Variants in ZNG1A observed in about 807,000 individuals in gnomAD.
ZNG1A encodes zinc-regulated GTPase metalloprotein activator 1A.
chr9:171,316 C>G, the ZNG1A span, among the ~76,000 whole-genome samples: 2 of 151,776 alleles, frequency 1.3e-5, no homozygotes, highest in African/African-American at 4.9e-5. Flanking sequence ...ACAAATCGCC[C>G]CAATGCCAGA....
chr9:131,454 A>C, the ZNG1A span, among the ~76,000 whole-genome samples: 6 of 149,968 alleles, frequency 4.0e-5, no homozygotes, highest in South Asian at 2.1e-4. Flanking sequence ...CAGAACACTA[A>C]GCCCCCTAAT....
chr9:142,123 G>C, the ZNG1A span, among the ~76,000 whole-genome samples: 22,855 of 143,444 alleles, frequency 0.16, 2,208 homozygotes, highest in East Asian at 0.39. Context: ...GTCAACATTA[G>C]ACAGATCAAT....
chr9:128,440 A>G, the ZNG1A span, among the ~76,000 whole-genome samples: 2 of 151,638 alleles, frequency 1.3e-5, no homozygotes, highest in East Asian at 3.9e-4. Context: ...TCAGGCTCTG[A>G]ATTTCCTTCT....
the ZNG1A span, chr9:166,975 T>C: frequency 6.6e-6 from 1 of 152,208 alleles, no homozygotes; most frequent in East Asian, 1.9e-4. Context: ...AAGGAAAATG[T>C]TCTTAGAAGA....
At chr9:144,572 T>G in the ZNG1A span, among the ~76,000 whole-genome samples, 1 of 151,390 alleles carries the variant, frequency 6.6e-6, no homozygotes, top group East Asian at 1.9e-4. Flanking sequence ...CTTAAACGTT[T>G]GACCTAAAAC....
the ZNG1A span, among the ~76,000 whole-genome samples, chr9:162,863 C>T: frequency 2.0e-5 from 3 of 150,896 alleles, no homozygotes; most frequent in Non-Finnish European, 4.4e-5. Context: ...TAATCAAAAT[C>T]AAGACTTTTC....
chr9:154,653 T>C, the ZNG1A span: 3 of 1,287,190 alleles, frequency 2.3e-6, no homozygotes, highest in South Asian at 1.2e-5. Flanking sequence ...GAGTAAAAAA[T>C]ATTCTGTGTA....
At chr9:132,350 A>AC in the ZNG1A span, among the ~76,000 whole-genome samples, 2 of 72,212 alleles carry the variant, frequency 2.8e-5, no homozygotes, top group Admixed American at 3.0e-4. Flanking sequence ...CCCCATCTCT[A>AC]CTAAAAAAAA....
At chr9:147,026 A>T in the ZNG1A span, 2 of 151,020 alleles carry the variant, frequency 1.3e-5, no homozygotes, top group Non-Finnish European at 2.9e-5. Context: ...AAAAATACAA[A>T]AATTAGCTGG....
the ZNG1A span, chr9:147,529 C>T: frequency 8.4e-5 from 11 of 131,038 alleles, no homozygotes; most frequent in Non-Finnish European, 1.5e-4. Flanking sequence ...GACAAATTCC[C>T]ATCTTATTAC....
the ZNG1A span, chr9:166,857 A>G: frequency 6.6e-6 from 1 of 152,280 alleles, no homozygotes; most frequent in Non-Finnish European, 1.5e-5. Flanking sequence ...AATCAAAGCA[A>G]TTAGAATACA....
the ZNG1A span, among the ~76,000 whole-genome samples, chr9:140,314 C>A: frequency 6.6e-6 from 1 of 151,834 alleles, no homozygotes; most frequent in Non-Finnish European, 1.5e-5. Context: ...AGCTGGAGAT[C>A]TGAGAACGGG....
At chr9:149,467 C>T in the ZNG1A span, 1 of 152,130 alleles carries the variant, frequency 6.6e-6, no homozygotes, top group African/African-American at 2.4e-5. Flanking sequence ...TTCTTTAAGA[C>T]TCAGGTCAAT....
chr9:145,682 A>G, the ZNG1A span, among the ~76,000 whole-genome samples: 1 of 151,902 alleles, frequency 6.6e-6, no homozygotes, highest in African/African-American at 2.4e-5. Context: ...CCTGTACCCT[A>G]AAACTTAAAG....
the ZNG1A span, among the ~76,000 whole-genome samples, chr9:141,277 AG>A: frequency 8.1e-6 from 1 of 123,946 alleles, no homozygotes; most frequent in Admixed American, 8.6e-5. Flanking sequence ...AAAAATGTTA[AG>A]GGCAGCCAGA....
At chr9:156,847 A>G in the ZNG1A span, among the ~76,000 whole-genome samples, 2 of 152,150 alleles carry the variant, frequency 1.3e-5, no homozygotes, top group African/African-American at 4.8e-5. Context: ...ATAGAAGATT[A>G]CAGTTCAGAT....
At chr9:150,352 T>C in the ZNG1A span, 2 of 887,892 alleles carry the variant, frequency 2.3e-6, no homozygotes, top group Non-Finnish European at 2.7e-6. Flanking sequence ...GGTCTCCATC[T>C]CCTGACCTCG....
the ZNG1A span, among the ~76,000 whole-genome samples, chr9:132,345 T>A: frequency 8.7e-6 from 1 of 114,480 alleles, no homozygotes. Context: ...TGAAACCCCA[T>A]CTCTACTAAA....
the ZNG1A span, among the ~76,000 whole-genome samples, chr9:152,521 T>G: frequency 2.6e-5 from 4 of 151,794 alleles, no homozygotes; most frequent in Non-Finnish European, 5.9e-5. Context: ...TAGTTGCAAG[T>G]TGCTTTGCCC....
Sources: allele counts gnomAD v4.1 joint callset (sites outside exome capture counted in the v4.1 genomes callset), GRCh38; gene constraint gnomAD v4.1.1; transcripts MANE v1.5; gene names NCBI Gene and HGNC (gene_info 2026-07-23, HGNC 2026-07-21).